DLG2: variants seen among roughly 807,000 people sequenced by gnomAD.
The protein encoded by DLG2 is discs large MAGUK scaffold protein 2.
DLG2 carries 45 observed loss-of-function variants against 132.5 expected under a neutral mutation model. The observed-to-expected ratio is 0.34, with a 90% CI of 0.27 to 0.44. The LOEUF (loss-of-function observed/expected upper bound fraction) is 0.44, where lower values mean the gene tolerates loss of function less well. Ranked by LOEUF, DLG2 falls within the 20% of genes least tolerant of loss-of-function variation. The pLI is 1.00. For synonymous variants in DLG2, 424 were observed against 419.6 expected (o/e 1.01, Z -0.13); for missense variants, 1,045 against 1,196.9 (o/e 0.87, Z 1.87).
intron 6 of DLG2, among the ~76,000 whole-genome samples, chr11:84,570,939 G>C (rs971528396): frequency 2.0e-5 from 3 of 152,116 alleles, no homozygotes; most frequent in African/African-American, 4.8e-5. Context: ...CTAGGAAAGG[G>C]GGTTGGAGGA....
At chr11:83,985,998 C>CA (rs1252849887) in intron 11 of DLG2, among the ~76,000 whole-genome samples, 1 of 152,030 alleles carries the variant, frequency 6.6e-6, no homozygotes, top group Non-Finnish European at 1.5e-5. Context: ...TTTTTCTCCA[C>CA]AACCTCACCA....
chr11:83,779,812 G>T (rs1257825396), intron 18 of DLG2, among the ~76,000 whole-genome samples: 2 of 152,094 alleles, frequency 1.3e-5, no homozygotes, highest in African/African-American at 4.8e-5. Flanking sequence ...AAGTTAACTA[G>T]GTCGTGCATT....
intron 6 of DLG2, among the ~76,000 whole-genome samples, chr11:85,074,947 C>A (rs7948646): frequency 0.24 from 36,076 of 151,800 alleles, 4,533 homozygotes; most frequent in Middle Eastern, 0.3. Flanking sequence ...ATTTAGCCTA[C>A]TTGAGATTAC....
chr11:84,640,628 T>TA (rs1244313893), intron 6 of DLG2: 5 of 216,920 alleles, frequency 2.3e-5, no homozygotes, highest in Non-Finnish European at 4.6e-5. Context: ...CTATTTGTGA[T>TA]ATATAAACAA....
chr11:83,632,963 G>A, intron 19 of DLG2: 1 of 475,326 alleles, frequency 2.1e-6, no homozygotes, highest in South Asian at 3.2e-5. Context: ...TGCAACCTAT[G>A]CTGAGCATTT....
chr11:84,825,315 C>G (rs140556083), intron 6 of DLG2, among the ~76,000 whole-genome samples: 1 of 151,770 alleles, frequency 6.6e-6, no homozygotes, highest in Non-Finnish European at 1.5e-5. Flanking sequence ...ATTTACTGTC[C>G]TTTCACATTC....
At chr11:84,196,300 G>T (rs540221752) in intron 8 of DLG2, among the ~76,000 whole-genome samples, 1 of 152,102 alleles carries the variant, frequency 6.6e-6, no homozygotes, top group African/African-American at 2.4e-5. Context: ...AATGTCACAG[G>T]AACTCAACAG....
intron 12 of DLG2, among the ~76,000 whole-genome samples, chr11:83,967,426 C>A (rs1249385558): frequency 6.6e-6 from 1 of 152,082 alleles, no homozygotes; most frequent in East Asian, 1.9e-4. Context: ...TAATAGCCAT[C>A]CTAACAGTTG....
intron 6 of DLG2, among the ~76,000 whole-genome samples, chr11:84,745,687 T>C (rs534209767): frequency 6.6e-6 from 1 of 152,230 alleles, no homozygotes; most frequent in South Asian, 2.1e-4. Context: ...AAGAATGAAG[T>C]AAAATATAAA....
intron 15 of DLG2, among the ~76,000 whole-genome samples, chr11:83,907,880 A>G (rs1459618012): frequency 6.6e-6 from 1 of 152,078 alleles, no homozygotes; most frequent in Non-Finnish European, 1.5e-5. Context: ...AAGCTCATCT[A>G]GACAACTGCC....
intron 14 of DLG2, among the ~76,000 whole-genome samples, chr11:83,960,923 A>G (rs898666231): frequency 9.9e-5 from 15 of 151,882 alleles, no homozygotes; most frequent in African/African-American, 3.4e-4. Context: ...GCCAGGCACC[A>G]ACCATTCTGA....
intron 6 of DLG2, among the ~76,000 whole-genome samples, chr11:84,597,234 GA>G (rs764668274): frequency 6.7e-6 from 1 of 149,830 alleles, no homozygotes; most frequent in Non-Finnish European, 1.5e-5. Flanking sequence ...AAAGAAAAAA[GA>G]AAAAAAAATG....
chr11:84,239,822 A>T (rs1478417277), intron 8 of DLG2, among the ~76,000 whole-genome samples: 6 of 152,190 alleles, frequency 3.9e-5, no homozygotes. Context: ...ATGATGAAAA[A>T]CTATAAAGGC....
chr11:85,196,644 G>A (rs2081089913), intron 4 of DLG2, among the ~76,000 whole-genome samples: 1 of 152,226 alleles, frequency 6.6e-6, no homozygotes, highest in Non-Finnish European at 1.5e-5. Flanking sequence ...GCTGGGACCA[G>A]GGTTGTTTCT....
intron 15 of DLG2, among the ~76,000 whole-genome samples, chr11:83,922,278 C>T (rs1242377354): frequency 2.0e-5 from 3 of 152,026 alleles, no homozygotes; most frequent in East Asian, 3.9e-4. Flanking sequence ...GATTGCATTG[C>T]AGAGGAAATA....
intron 6 of DLG2, among the ~76,000 whole-genome samples, chr11:85,052,574 A>C (rs1204176558): frequency 1.3e-5 from 2 of 152,216 alleles, no homozygotes; most frequent in Non-Finnish European, 2.9e-5. Context: ...ATCTACTTAT[A>C]ATTACTTCAC....
At chr11:83,560,407 C>T (rs1356360902) in intron 19 of DLG2, among the ~76,000 whole-genome samples, 3 of 151,992 alleles carry the variant, frequency 2.0e-5, no homozygotes, top group African/African-American at 7.3e-5. Flanking sequence ...TGTGAGCCAC[C>T]GCAGCTGACC....
At chr11:84,740,059 T>A (rs1001608186) in intron 6 of DLG2, among the ~76,000 whole-genome samples, 2 of 151,824 alleles carry the variant, frequency 1.3e-5, no homozygotes, top group Admixed American at 6.6e-5. Flanking sequence ...ATTGGGAAGT[T>A]ATCACTGCTA....
At position 83,835,618 on chromosome 11, in the gene DLG2, C is replaced by A. The variant is rs145032573; in HGVS notation, c.1566-1848G>T. On this transcript the variant is annotated intron_variant, in intron 16 of 27. Transcript: ENST00000376104. ...AAAGGAGAATGGTAAACAATGAAGT[C>A]ACTGTTTTAGTTTTCTATTGCTGAA... Among the ~76,000 whole-genome samples, 581 of 152,256 alleles carry A rather than the reference C, an allele frequency of 3.8e-3. 11 individuals are homozygous for A. Among genetic ancestry groups the A allele is most frequent in the Non-Finnish European group, 1.0e-3 (70 of 68,018 alleles).
Sources: gnomAD v4.1 joint callset for allele counts (sites outside exome capture counted in the v4.1 genomes callset) on GRCh38, gnomAD v4.1.1 for gene constraint, MANE v1.5 for transcripts, NCBI Gene and HGNC (gene_info 2026-07-23, HGNC 2026-07-21) for gene names.